Variants in SLC8A1 observed in about 807,000 individuals in gnomAD.
SLC8A1 encodes the protein solute carrier family 8 member A1.
Under a neutral mutation model 68.3 loss-of-function variants are expected in SLC8A1, and 18 were observed. The ratio of observed to expected loss-of-function variants is 0.26; its 90% CI spans 0.18 to 0.39. The LOEUF (loss-of-function observed/expected upper bound fraction) is 0.39, where lower values mean the gene tolerates loss of function less well. Among genes scored for constraint, SLC8A1 ranks in the 10% least tolerant of loss-of-function variants. The probability of loss-of-function intolerance (pLI) is 1.00; values close to 1 mark genes in which losing one functional copy is unlikely to be tolerated. For missense variants in SLC8A1, 985 were observed against 1,156.7 expected, an observed-to-expected ratio of 0.85 and a Z score of 2.15; for synonymous variants, 475 against 415.5, an observed-to-expected ratio of 1.14 and a Z score of -1.74.
At chr2:40,134,382 G>A (rs1344149696) in intron 7 of SLC8A1, among the ~76,000 whole-genome samples, 1 of 152,084 alleles carries the variant, frequency 6.6e-6, no homozygotes, top group Non-Finnish European at 1.5e-5. Flanking sequence ...GTGAGCTACC[G>A]CACCTGGTCT....
chr2:40,183,648 T>C (rs2050069355), intron 2 of SLC8A1, among the ~76,000 whole-genome samples: 1 of 152,180 alleles, frequency 6.6e-6, no homozygotes, highest in African/African-American at 2.4e-5. Flanking sequence ...CTCTTATGTA[T>C]GCTGAAGTCT....
chr2:40,177,188 G>A (rs2048628384), intron 3 of SLC8A1, among the ~76,000 whole-genome samples: 1 of 152,070 alleles, frequency 6.6e-6, no homozygotes, highest in South Asian at 2.1e-4. Context: ...ATGCTAAAAT[G>A]AGCACTAGAA....
chr2:40,403,554 A>G (rs992369810), intron 2 of SLC8A1, among the ~76,000 whole-genome samples: 1 of 152,226 alleles, frequency 6.6e-6, no homozygotes, highest in Non-Finnish European at 1.5e-5. Context: ...GTAGAACCCT[A>G]TAATTCTGAA....
At chr2:40,212,917 G>T (rs997093776) in intron 2 of SLC8A1, among the ~76,000 whole-genome samples, 3 of 152,138 alleles carry the variant, frequency 2.0e-5, no homozygotes, top group East Asian at 1.9e-4. Context: ...GTGTAGGGGG[G>T]TTGGGCAAGA....
At chr2:40,445,925 A>G (rs1178874513) in intron 1 of SLC8A1, among the ~76,000 whole-genome samples, 1 of 152,180 alleles carries the variant, frequency 6.6e-6, no homozygotes, top group Admixed American at 6.5e-5. Context: ...CCCCAGAGGA[A>G]GTTAAAGCTT....
At chr2:40,475,898 T>C (rs1431689769) in intron 1 of SLC8A1, among the ~76,000 whole-genome samples, 1 of 152,070 alleles carries the variant, frequency 6.6e-6, no homozygotes, top group Admixed American at 6.6e-5. Flanking sequence ...AACATAACTT[T>C]CTATGATGCA....
At chr2:40,294,647 C>T (rs1399691332) in intron 2 of SLC8A1, among the ~76,000 whole-genome samples, 1 of 152,116 alleles carries the variant, frequency 6.6e-6, no homozygotes, top group Non-Finnish European at 1.5e-5. Context: ...TAAGCAGATG[C>T]TTGAAGAGAA....
chr2:40,375,409 C>G (rs184585266), intron 2 of SLC8A1, among the ~76,000 whole-genome samples: 255 of 152,178 alleles, frequency 1.7e-3, no homozygotes, highest in Non-Finnish European at 3.2e-3. Flanking sequence ...TCCTAACAAA[C>G]TTACTTACAA....
chr2:40,473,845 A>G (rs987402642), intron 1 of SLC8A1, among the ~76,000 whole-genome samples: 12 of 152,188 alleles, frequency 7.9e-5, no homozygotes, highest in Non-Finnish European at 1.3e-4. Context: ...TCTATTTTGA[A>G]GTTTATTGTT....
At chr2:40,163,935 A>T (rs538484168) in intron 5 of SLC8A1, among the ~76,000 whole-genome samples, 1 of 152,346 alleles carries the variant, frequency 6.6e-6, no homozygotes, top group East Asian at 1.9e-4. Context: ...GAAACTTCTA[A>T]ATTGGTGGTC....
intron 1 of SLC8A1, among the ~76,000 whole-genome samples, chr2:40,482,825 C>T (rs989158578): frequency 1.4e-5 from 2 of 144,692 alleles, no homozygotes; most frequent in East Asian, 2.1e-4. Context: ...GAATCTCGCT[C>T]TGTAGCCCAG....
At chr2:40,493,191 C>T (rs13391712) in intron 1 of SLC8A1, among the ~76,000 whole-genome samples, 148,929 of 152,174 alleles carry the variant, frequency 0.98, 72,958 homozygotes, top group Non-Finnish European at 1. Flanking sequence ...TCCTGTCCTT[C>T]GTAGGGACAT....
chr2:40,228,844 A>T (rs11690292), intron 2 of SLC8A1, among the ~76,000 whole-genome samples: 69,003 of 151,938 alleles, frequency 0.45, 17,275 homozygotes, highest in Non-Finnish European at 0.58. Context: ...AAAAAGCTAT[A>T]CCTATTGTTA....
chr2:40,337,370 G>A (rs1245530380), intron 2 of SLC8A1: 2 of 322,354 alleles, frequency 6.2e-6, no homozygotes, highest in East Asian at 7.6e-5. Flanking sequence ...GTCGTACAGA[G>A]TAGTTTTATT....
At chr2:40,419,919 T>A (rs1372823501) in intron 2 of SLC8A1, among the ~76,000 whole-genome samples, 1 of 152,132 alleles carries the variant, frequency 6.6e-6, no homozygotes, top group South Asian at 2.1e-4. Flanking sequence ...AATAGACCAA[T>A]AATTTGCCGG....
chr2:40,365,738 C>T (rs754793935), intron 2 of SLC8A1, among the ~76,000 whole-genome samples: 25 of 151,970 alleles, frequency 1.6e-4, no homozygotes, highest in Non-Finnish European at 2.6e-4. Flanking sequence ...CAGTAGCGAG[C>T]ACCTATAATC....
chr2:40,254,320 A>ACTCAGTTTCAGAGCTGGCATATTGAATT (rs2063513606), intron 2 of SLC8A1: 2 of 149,640 alleles, frequency 1.3e-5, no homozygotes, highest in African/African-American at 5.1e-5. Context: ...AGCATGCAAA[A>ACTCAGTTTCAGAGCTGGCATATTGAATT]CTCAGTTTCA....
At chr2:40,483,051 G>A (rs867046674) in intron 1 of SLC8A1, among the ~76,000 whole-genome samples, 5 of 149,450 alleles carry the variant, frequency 3.3e-5, no homozygotes, top group Non-Finnish European at 4.4e-5. Flanking sequence ...TGATCCGCCC[G>A]CCTCGGGCTC....
intron 2 of SLC8A1, among the ~76,000 whole-genome samples, chr2:40,326,605 C>G (rs188160043): frequency 6.6e-6 from 1 of 152,096 alleles, no homozygotes; most frequent in Non-Finnish European, 1.5e-5. Flanking sequence ...TTCTAACTTT[C>G]GAACTGCCAA....
Sources: gnomAD v4.1 joint callset for allele counts (sites outside exome capture counted in the v4.1 genomes callset) on GRCh38, gnomAD v4.1.1 for gene constraint, MANE v1.5 for transcripts, NCBI Gene and HGNC (gene_info 2026-07-23, HGNC 2026-07-21) for gene names.